Variants in LIG4 observed in about 807,000 individuals in gnomAD.
LIG4 encodes DNA ligase 4.
LIG4 carries 13 observed loss-of-function variants against 19.0 expected under a neutral mutation model. The observed-to-expected ratio is 0.68, with a 90% CI of 0.44 to 1.09. LIG4 has a LOEUF of 1.09. LIG4 is among the 50% of genes least tolerant of loss of function. The pLI, the probability that LIG4 is intolerant of heterozygous loss-of-function variation, is 0.00. For synonymous variants in LIG4, 361 were observed against 358.2 expected (o/e 1.01, Z -0.09); for missense variants, 1,026 against 1,089.7 (o/e 0.94, Z 0.82).
upstream of LIG4, chr13:108,218,079 T>C (rs938704599): frequency 1.1e-4 from 17 of 152,068 alleles, no homozygotes; most frequent in African/African-American, 3.9e-4. Flanking sequence ...AGGAGAAAAA[T>C]AGTTATGGAA....
chr13:108,215,951 A>T (rs36219969), upstream of LIG4, among the ~76,000 whole-genome samples: 2,169 of 152,226 alleles, frequency 0.014, 53 homozygotes, highest in African/African-American at 0.049. Flanking sequence ...TTAAACTTTT[A>T]AAAAATAGGC....
rs536555099 is a variant in LIG4 at position 108,207,676 on chromosome 13, A to C, written c.*857T>G. 6.6e-6 allele frequency: 1 copy of C among 151,476 alleles called. No individual in the cohort carries two copies. Among genetic ancestry groups the C allele is most frequent in the African/African-American group, 2.5e-5 (1 of 40,798 alleles). 9.4% of individuals were successfully genotyped at this position (151,476 alleles called of 1,614,324 possible). ...TACATTGACTTTAAATAATCTAACTATGTCATTTTTAAAAGTCAAAGCAAC... is the reference window on the plus strand; with the variant it reads ...TACATTGACTTTAAATAATCTAACTCTGTCATTTTTAAAAGTCAAAGCAAC... On this transcript the variant is annotated 3_prime_UTR_variant, in exon 3 of 3. Transcript: ENST00000442234.
At position 108,210,296 on chromosome 13, in the gene LIG4, T is replaced by G; in HGVS notation, c.973A>C (p.Ile325Leu). Residue 325 changes from isoleucine (I) to leucine (L), a missense_variant, in exon 3 of 3, where the codon ATC becomes CTC. Ile to Leu is a conservative substitution (Grantham distance 5). Around this residue, in one of 3 missense-constraint regions of LIG4, gnomAD observed 493 missense variants for 544.5 expected, o/e 0.91. Coordinates refer to ENST00000442234, the MANE Select transcript of LIG4 (RefSeq NM_206937.2). ...ATCATCTCACCATCAAGAATACAGA[T>G]TTGTATATCTGCTTTGAATGCATTA... is the stretch of plus-strand genomic sequence containing the variant. ...IHNAFKADIQICILDGEMMAY... is the reference protein window; with the variant it reads ...IHNAFKADIQLCILDGEMMAY... 1 of 1,613,958 alleles carries G rather than the reference T, an allele frequency of 6.2e-7. No individual in the cohort carries two copies. The highest frequency in any genetic ancestry group is 8.5e-7 in the Non-Finnish European group (1 of 1,179,918).
chr13:108,209,050 G>C lies in LIG4; in HGVS notation c.2219C>G (p.Pro740Arg). The C allele has an allele frequency of 6.2e-7, 1 of 1,614,130 alleles. No individual in the cohort carries two copies. Among genetic ancestry groups the C allele is most frequent in the Non-Finnish European group, 8.5e-7 (1 of 1,180,040 alleles). The change falls in exon 3 of 3, where the codon CCT (proline) becomes CGT (arginine). Residue 740 changes from proline (P) to arginine (R), a missense_variant. This residue lies in a region of LIG4 where 521 missense variants were observed against 515.5 expected (regional missense o/e 1.01). Coordinates refer to ENST00000442234, the MANE Select transcript of LIG4 (RefSeq NM_206937.2). The part of the protein sequence containing the change: ...FKTKSFVPWQ[P>R]RFMIHMCPST... Reference sequence around the variant, plus strand: ...TGGGCACATATGAATCATAAAGCGAGGCTGCCATGGTACAAAGCTTTTGGT... The same window carrying C: ...TGGGCACATATGAATCATAAAGCGACGCTGCCATGGTACAAAGCTTTTGGT...
At chr13:108,213,903 A>C (rs1878929093) in intron 2 of LIG4, among the ~76,000 whole-genome samples, 1 of 152,230 alleles carries the variant, frequency 6.6e-6, no homozygotes, top group East Asian at 1.9e-4. Flanking sequence ...TTAATACTAT[A>C]ATGCTTGCTG....
chr13:108,209,860 T>A lies in LIG4; in HGVS notation c.1409A>T (p.Tyr470Phe). The change falls in exon 3 of 3, where the codon TAT becomes TTT. Residue 470 changes from tyrosine (Y) to phenylalanine (F), a missense_variant. Coordinates refer to ENST00000442234, the MANE Select transcript of LIG4 (RefSeq NM_206937.2). ...DELDILIVGGYWGKGSRGGMM... is the reference protein window; with the variant it reads ...DELDILIVGGFWGKGSRGGMM... ...TCCACCCCGTGATCCTTTACCCCAA[T>A]ATCCTCCAACAATTAAAATGTCCAA... 6.2e-7 allele frequency: 1 copy of A among 1,614,156 alleles called. No homozygotes were observed. Among genetic ancestry groups the A allele is most frequent in the Non-Finnish European group, 8.5e-7 (1 of 1,180,008 alleles).
chr13:108,212,122 T>C (rs1329948641), intron 2 of LIG4, among the ~76,000 whole-genome samples: 1 of 149,012 alleles, frequency 6.7e-6, no homozygotes, highest in Admixed American at 6.8e-5. Flanking sequence ...ATGTGCTACA[T>C]ACACTGTGCT....
chr13:108,214,557 G>T lies in LIG4; in HGVS notation c.-48C>A. Reference sequence around the variant, plus strand: ...GAATACCTGGCCTCGGGCAAGCTCCGTTACCTCTGTGAACCAGAGAATCCC... The same window carrying T: ...GAATACCTGGCCTCGGGCAAGCTCCTTTACCTCTGTGAACCAGAGAATCCC... On this transcript the variant is annotated 5_prime_UTR_variant, in exon 2 of 3. Coordinates refer to ENST00000442234, the MANE Select transcript of LIG4 (RefSeq NM_206937.2). 1 of 152,142 alleles carries T rather than the reference G, an allele frequency of 6.6e-6. No homozygotes were observed. The highest frequency in any genetic ancestry group is 1.5e-5 in the Non-Finnish European group (1 of 68,100). The allele number at this position is 152,142 out of a possible 1,614,324, so 9.4% of individuals were successfully genotyped here. A position where few individuals can be genotyped will look rare whatever the true frequency, so the allele number is the denominator to read the frequency against.
chr13:108,212,056 CT>C (rs774956264), intron 2 of LIG4, among the ~76,000 whole-genome samples: 3 of 151,974 alleles, frequency 2.0e-5, no homozygotes, highest in African/African-American at 2.4e-5. Context: ...TAGTATGCTG[CT>C]TTTTTCATAT....
chr13:108,211,348 A>G, intron 2 of LIG4, 52 bp from the exon 3 acceptor site: 1 of 995,860 alleles, frequency 1.0e-6, no homozygotes, highest in East Asian at 2.6e-5. Context: ...ATTCAACTAA[A>G]TATTTAATGT....
upstream of LIG4, among the ~76,000 whole-genome samples, chr13:108,216,772 A>G (rs111546209): frequency 3.3e-5 from 5 of 152,322 alleles, no homozygotes; most frequent in African/African-American, 1.2e-4. Flanking sequence ...AGCTCCTACA[A>G]TGTCAGAAGC....
In LIG4 at chr13:108,208,791, A is replaced by T; in HGVS notation, c.2478T>A (p.Ile826=). ...CCTCATTTTTGGTACTCAGGTCATT[A>T]ATAACAGCATACGAGTCCAAATAAA... is the stretch of plus-strand genomic sequence containing the variant. The part of the protein sequence containing the change: ...HTVYLDSYAV[I]NDLSTKNEGT... Residue 826 remains isoleucine, a synonymous_variant, in exon 3 of 3, where the codon ATT becomes ATA. Coordinates refer to ENST00000442234, the MANE Select transcript of LIG4 (RefSeq NM_206937.2). 6.2e-7 allele frequency: 1 copy of T among 1,614,170 alleles called. No homozygotes were observed. The highest frequency in any genetic ancestry group is 1.1e-5 in the South Asian group (1 of 91,084).
intron 2 of LIG4, among the ~76,000 whole-genome samples, chr13:108,212,145 T>C (rs955151745): frequency 6.7e-6 from 1 of 149,638 alleles, no homozygotes; most frequent in African/African-American, 2.5e-5. Flanking sequence ...GGGAAAATAC[T>C]GCATGTTTCT....
At chr13:108,216,283 C>G (rs989975112), upstream of LIG4, among the ~76,000 whole-genome samples, 2 of 152,180 alleles carry the variant, frequency 1.3e-5, no homozygotes, top group Non-Finnish European at 2.9e-5. Flanking sequence ...GGTCAGTCCT[C>G]TTTCGCCATG....
At chr13:108,213,941 T>C (rs1458143696) in intron 2 of LIG4, among the ~76,000 whole-genome samples, 1 of 152,174 alleles carries the variant, frequency 6.6e-6, no homozygotes, top group African/African-American at 2.4e-5. Context: ...AATATAAATA[T>C]TGCAAAATAT....
Position 108,208,652 on chromosome 13 carries a change from C to A in LIG4, c.2617G>T (p.Ala873Ser). ...VIIGEDHSRVADFKAFRRTFK... is the reference protein window; with the variant it reads ...VIIGEDHSRVSDFKAFRRTFK... Reference sequence around the variant, plus strand: ...GTTCTTCTAAAAGCTTTAAAATCTGCAACACGACTATGATCTTCCCCAATT... The same window carrying A: ...GTTCTTCTAAAAGCTTTAAAATCTGAAACACGACTATGATCTTCCCCAATT... The change falls in exon 3 of 3, where the codon GCA (alanine) becomes TCA (serine). Residue 873 changes from alanine (A) to serine (S), a missense_variant. Coordinates refer to ENST00000442234, the MANE Select transcript of LIG4 (RefSeq NM_206937.2). 6.2e-7 allele frequency: 1 copy of A among 1,613,972 alleles called. No individual in the cohort carries two copies. Among genetic ancestry groups the A allele is most frequent in the Non-Finnish European group, 8.5e-7 (1 of 1,179,894 alleles).
chr13:108,211,275 G>A lies in LIG4; in HGVS notation c.-7C>T, dbSNP rs4987182. ...AAGTTTGTGAGGCAGCCATCAAAGC[G>A]GTGATGAATCTTCTCGTTTAACTAG... On this transcript the variant is annotated 5_prime_UTR_variant, in exon 3 of 3. Transcript: ENST00000442234. The A allele has an allele frequency of 5.5e-3, 8,899 of 1,605,472 alleles. 455 individuals carry two copies. In the African/African-American group the frequency reaches 0.11, roughly 19 times the overall value.
chr13:108,210,176 A>T lies in LIG4; in HGVS notation c.1093T>A (p.Cys365Ser). Residue 365 changes from cysteine (C) to serine (S), a missense_variant, in exon 3 of 3, where the codon TGT (cysteine) becomes AGT (serine). This residue lies in a region of LIG4 where 493 missense variants were observed against 544.5 expected (regional missense o/e 0.91). Coordinates refer to ENST00000442234, the MANE Select transcript of LIG4 (RefSeq NM_206937.2). ...VEDSDLQTCY[C>S]VFDVLMVNNK... ...TTAACCATCAATACATCAAAAACACAATAACAAGTTTGCAGATCAGAATCC... is the reference window on the plus strand; with the variant it reads ...TTAACCATCAATACATCAAAAACACTATAACAAGTTTGCAGATCAGAATCC... 6.2e-7 allele frequency: 1 copy of T among 1,613,868 alleles called. No individual in the cohort carries two copies. Among genetic ancestry groups the T allele is most frequent in the Non-Finnish European group, 8.5e-7 (1 of 1,179,958 alleles).
At chr13:108,218,296 T>G (rs1452232205), upstream of LIG4, 2 of 152,286 alleles carry the variant, frequency 1.3e-5, no homozygotes, top group Admixed American at 1.3e-4. Flanking sequence ...CCCTAGGTCC[T>G]GGAGCAGGGA....
Sources: gnomAD v4.1 joint callset for allele counts (sites outside exome capture counted in the v4.1 genomes callset) on GRCh38, gnomAD v4.1.1 for gene constraint, gnomAD v4.1.1 regional missense constraint, MANE v1.5 for transcripts, NCBI Gene and HGNC (gene_info 2026-07-23, HGNC 2026-07-21) for gene names.